Variants in CEP85L observed in about 807,000 individuals in gnomAD.
The protein encoded by CEP85L is centrosomal protein of 85 kDa-like.
CEP85L carries 60 observed loss-of-function variants against 100.3 expected under a neutral mutation model. The ratio of observed to expected loss-of-function variants is 0.60; its 90% CI spans 0.49 to 0.74. The LOEUF (loss-of-function observed/expected upper bound fraction) is 0.74. Ranked by LOEUF, CEP85L falls within the 30% of genes least tolerant of loss-of-function variation. The pLI is 0.00. For synonymous variants in CEP85L, 319 were observed against 322.7 expected (o/e 0.99, Z 0.12); for missense variants, 973 against 936.2 (o/e 1.04, Z -0.51).
chr6:118,643,226 C>T (rs1479850120), intron 1 of CEP85L, among the ~76,000 whole-genome samples: 4 of 152,156 alleles, frequency 2.6e-5, no homozygotes, highest in African/African-American at 7.2e-5. Context: ...TCTAGTCCAA[C>T]TTTTCAGTAC....
At chr6:118,533,434 CTATAAACTAT>C (rs1462598721) in intron 3 of CEP85L, among the ~76,000 whole-genome samples, 1 of 151,556 alleles carries the variant, frequency 6.6e-6, no homozygotes, top group Non-Finnish European at 1.5e-5. Context: ...TCTGAATGTC[CTATAAACTAT>C]TAGAGTAATT....
chr6:118,501,512 TC>T, intron 5 of CEP85L: 1 of 478,124 alleles, frequency 2.1e-6, no homozygotes, highest in Non-Finnish European at 4.1e-6. Context: ...TCCTGGCTAC[TC>T]CATCATCATT....
chr6:118,535,968 G>C (rs1322083507), intron 3 of CEP85L, among the ~76,000 whole-genome samples: 1 of 151,896 alleles, frequency 6.6e-6, no homozygotes, highest in African/African-American at 2.4e-5. Flanking sequence ...CTTAAAAGTT[G>C]CATGTAAATT....
intron 1 of CEP85L, among the ~76,000 whole-genome samples, chr6:118,639,026 A>G (rs182308390): frequency 6.6e-6 from 1 of 152,336 alleles, no homozygotes; most frequent in East Asian, 1.9e-4. Flanking sequence ...TATACTTTTA[A>G]ATAAGCTGAA....
At chr6:118,532,089 G>C (rs1364944354) in intron 3 of CEP85L, among the ~76,000 whole-genome samples, 1 of 152,124 alleles carries the variant, frequency 6.6e-6, no homozygotes, top group Admixed American at 6.5e-5. Flanking sequence ...CAAAGATATG[G>C]AATCAACCTA....
intron 6 of CEP85L, among the ~76,000 whole-genome samples, chr6:118,486,010 A>G (rs1314079162): frequency 6.6e-6 from 1 of 151,766 alleles, no homozygotes; most frequent in African/African-American, 2.4e-5. Flanking sequence ...TGGTTGTCCA[A>G]CTCTCTTTGC....
At chr6:118,639,620 T>C (rs1242039512) in intron 1 of CEP85L, among the ~76,000 whole-genome samples, 4 of 152,196 alleles carry the variant, frequency 2.6e-5, no homozygotes, top group Non-Finnish European at 5.9e-5. Context: ...TTATTCAAAA[T>C]TCCAACAACA....
chr6:118,651,120 G>C (rs1775524771), intron 1 of CEP85L, 77 bp downstream of exon 1: 1 of 1,431,644 alleles, frequency 7.0e-7, no homozygotes, highest in Admixed American at 2.9e-5. Context: ...AGGCGGGAGG[G>C]GAGCGGCGGC....
intron 6 of CEP85L, among the ~76,000 whole-genome samples, chr6:118,489,292 A>T (rs1774396709): frequency 6.8e-6 from 1 of 146,260 alleles, no homozygotes; most frequent in South Asian, 2.2e-4. Flanking sequence ...AAAAAAAATG[A>T]GAGATAAAGA....
chr6:118,694,999 TG>T (rs1264986515), intron 1 of CEP85L, among the ~76,000 whole-genome samples: 1 of 152,204 alleles, frequency 6.6e-6, no homozygotes, highest in Admixed American at 6.5e-5. Context: ...AAATTTTTAT[TG>T]TAGACATGGC....
At position 118,708,160 on chromosome 6, in the gene CEP85L, C is replaced by T. The variant is rs76770330; in HGVS notation, c.-28+1876G>A. On this transcript the variant is annotated intron_variant, in intron 1 of 13. Transcript: ENST00000368488. ...TCTTCCTGCAAATATTTATTAAGTTCGGACTATATTGCCATCACTTCACAG... is the reference window on the plus strand; with the variant it reads ...TCTTCCTGCAAATATTTATTAAGTTTGGACTATATTGCCATCACTTCACAG... 1.4e-4 allele frequency among the ~76,000 whole-genome samples: 21 copies of T among 152,294 alleles called. No homozygotes were observed. In the East Asian group the frequency reaches 2.7e-3, roughly 20 times the overall value.
intron 5 of CEP85L, chr6:118,501,437 C>T (rs1409070829): frequency 2.6e-6 from 1 of 383,902 alleles, no homozygotes; most frequent in Non-Finnish European, 5.0e-6. Flanking sequence ...GAACATGAAT[C>T]AACTGATGAG....
chr6:118,593,981 C>T (rs1412688786), intron 2 of CEP85L, among the ~76,000 whole-genome samples: 1 of 152,194 alleles, frequency 6.6e-6, no homozygotes, highest in East Asian at 1.9e-4. Context: ...ACCTAAACAA[C>T]ATTTCTGCCA....
upstream of CEP85L, chr6:118,652,516 CAG>C: frequency 4.4e-6 from 6 of 1,378,114 alleles, no homozygotes; most frequent in Non-Finnish European, 5.6e-6. Flanking sequence ...GCCCATCACT[CAG>C]AGGTAAGTCG....
intron 3 of CEP85L, among the ~76,000 whole-genome samples, chr6:118,542,923 A>ACAC (rs1554216840): frequency 1.4e-5 from 2 of 144,024 alleles, no homozygotes; most frequent in Non-Finnish European, 3.1e-5. Context: ...AAAAAAAAAA[A>ACAC]CAGGATATTC....
intron 1 of CEP85L, among the ~76,000 whole-genome samples, chr6:118,691,320 G>A (rs1287969714): frequency 6.6e-6 from 1 of 151,788 alleles, no homozygotes; most frequent in African/African-American, 2.4e-5. Flanking sequence ...ATCACCTGAG[G>A]TTGGGAGTTC....
chr6:118,656,341 G>C (rs759513903), upstream of CEP85L, among the ~76,000 whole-genome samples: 2 of 152,088 alleles, frequency 1.3e-5, no homozygotes, highest in Non-Finnish European at 2.9e-5. Context: ...GTGGAGAGAA[G>C]GTCATGGGAA....
intron 2 of CEP85L, among the ~76,000 whole-genome samples, chr6:118,626,342 CAG>C (rs1239376197): frequency 6.6e-6 from 1 of 152,138 alleles, no homozygotes; most frequent in Non-Finnish European, 1.5e-5. Flanking sequence ...CTGCCAAAAC[CAG>C]AGTTAAAGAA....
chr6:118,669,348 G>A (rs1451515701), intron 1 of CEP85L, among the ~76,000 whole-genome samples: 1 of 152,036 alleles, frequency 6.6e-6, no homozygotes, highest in Non-Finnish European at 1.5e-5. Flanking sequence ...AGGGCATTAG[G>A]GAAACTTAAA....
Sources: allele counts gnomAD v4.1 joint callset (sites outside exome capture counted in the v4.1 genomes callset), GRCh38; gene constraint gnomAD v4.1.1; transcripts MANE v1.5; gene names NCBI Gene and HGNC (gene_info 2026-07-23, HGNC 2026-07-21).